The following ESRRG variants were observed in gnomAD, a reference collection of about 807,000 sequenced individuals.
The protein encoded by ESRRG is estrogen-related receptor gamma.
A neutral mutation model predicts 44.0 loss-of-function variants in ESRRG; 13 were observed. That is an observed-to-expected ratio of 0.30 (90% CI 0.19 to 0.47). ESRRG has a LOEUF of 0.47. Ranked by LOEUF, ESRRG falls within the 20% of genes least tolerant of loss-of-function variation. ESRRG has a pLI of 1.00. For missense variants in ESRRG, 395 were observed against 580.6 expected (o/e 0.68, Z 3.29); for synonymous variants, 215 against 214.6 (o/e 1.00, Z -0.02).
At chr1:217,124,674 C>T (rs1327839314) in intron 1 of ESRRG, among the ~76,000 whole-genome samples, 3 of 152,078 alleles carry the variant, frequency 2.0e-5, no homozygotes, top group African/African-American at 4.8e-5. Context: ...TAGATATAGC[C>T]ACTGCCTGAG....
chr1:216,523,867 T>A (rs2148993221), intron 5 of ESRRG, among the ~76,000 whole-genome samples: 1 of 151,610 alleles, frequency 6.6e-6, no homozygotes, highest in African/African-American at 2.4e-5. Context: ...AAAATCAACA[T>A]TTTTCAACAA....
At chr1:216,847,753 A>G (rs923528648) in intron 2 of ESRRG, among the ~76,000 whole-genome samples, 2 of 152,120 alleles carry the variant, frequency 1.3e-5, no homozygotes, top group African/African-American at 4.8e-5. Context: ...CCTATTATCA[A>G]AGCATCATGA....
At chr1:216,985,613 G>A (rs146869754) in intron 1 of ESRRG, 2 of 152,264 alleles carry the variant, frequency 1.3e-5, no homozygotes, top group East Asian at 3.9e-4. Flanking sequence ...TCTATATTGT[G>A]TAAGACAATG....
In ESRRG at chr1:216,564,479, C is replaced by T. The variant is rs2059330977; in HGVS notation, c.701-99G>A. ...GTGTTTTGAAAAACAATCCAAATAT[C>T]CTACAATAAACGCTAAATATTCCAA... is the stretch of plus-strand genomic sequence containing the variant. On this transcript the variant is annotated intron_variant, in intron 4 of 6. Coordinates refer to ENST00000408911, the MANE Select transcript of ESRRG (RefSeq NM_001438.4). 5.5e-6 allele frequency: 5 copies of T among 913,756 alleles called. No individual in the cohort carries two copies. In the East Asian group the frequency reaches 1.4e-4, roughly 25 times the overall value. 56.6% of individuals were successfully genotyped at this position (913,756 alleles called of 1,614,324 possible).
intron 5 of ESRRG, among the ~76,000 whole-genome samples, chr1:216,542,118 G>T (rs1572626430): frequency 6.7e-6 from 1 of 149,568 alleles, no homozygotes; most frequent in African/African-American, 2.5e-5. Context: ...GAGATAGAAT[G>T]TTTTCTGATT....
intron 1 of ESRRG, among the ~76,000 whole-genome samples, chr1:216,989,696 TC>T (rs1472280652): frequency 6.6e-6 from 1 of 152,146 alleles, no homozygotes; most frequent in Non-Finnish European, 1.5e-5. Flanking sequence ...GCTTACACTT[TC>T]CTTCATATTC....
chr1:216,975,670 AGTCTTGAGGAGAGGTACT>A (rs2072728002), intron 1 of ESRRG, among the ~76,000 whole-genome samples: 1 of 152,204 alleles, frequency 6.6e-6, no homozygotes, highest in African/African-American at 2.4e-5. Flanking sequence ...TCTACTTTTA[AGTCTTGAGGAGAGGTACT>A]AGAGAAAAAT....
At chr1:217,101,641 C>T (rs1469985191) in intron 1 of ESRRG, among the ~76,000 whole-genome samples, 2 of 152,146 alleles carry the variant, frequency 1.3e-5, no homozygotes, top group African/African-American at 2.4e-5. Flanking sequence ...ATCTCAAATG[C>T]TTTCTCCTAC....
At chr1:217,071,767 T>C (rs1419397230) in intron 1 of ESRRG, among the ~76,000 whole-genome samples, 1 of 152,164 alleles carries the variant, frequency 6.6e-6, no homozygotes, top group Non-Finnish European at 1.5e-5. Flanking sequence ...ATTCATTTCA[T>C]CCTCAAAACA....
At chr1:216,894,977 A>G (rs1257455484) in intron 2 of ESRRG, among the ~76,000 whole-genome samples, 5 of 152,146 alleles carry the variant, frequency 3.3e-5, no homozygotes, top group South Asian at 2.1e-4. Flanking sequence ...TGATTTATGT[A>G]TCTCCATTAT....
At chr1:217,098,484 T>C (rs577851080) in intron 1 of ESRRG, among the ~76,000 whole-genome samples, 15 of 152,298 alleles carry the variant, frequency 9.8e-5, no homozygotes, top group Non-Finnish European at 2.1e-4. Context: ...AGTCTCATAC[T>C]GAGATCCGGG....
intron 2 of ESRRG, among the ~76,000 whole-genome samples, chr1:216,755,177 T>A (rs12126082): frequency 0.2 from 30,134 of 152,024 alleles, 4,169 homozygotes; most frequent in African/African-American, 0.39. Flanking sequence ...AAAACTGACT[T>A]TACTTTTTTT....
intron 1 of ESRRG, among the ~76,000 whole-genome samples, chr1:216,684,262 G>A (rs1307131891): frequency 6.6e-6 from 1 of 152,174 alleles, no homozygotes; most frequent in African/African-American, 2.4e-5. Context: ...TATGCTTCCT[G>A]GTTGATAAAC....
intron 2 of ESRRG, among the ~76,000 whole-genome samples, chr1:216,934,365 C>T (rs1403896149): frequency 5.9e-5 from 9 of 152,032 alleles, no homozygotes; most frequent in Non-Finnish European, 1.0e-4. Flanking sequence ...ACTTGGGAGG[C>T]GGAAGTTTCA....
chr1:216,764,416 A>G (rs1040575795), intron 2 of ESRRG, among the ~76,000 whole-genome samples: 2 of 151,906 alleles, frequency 1.3e-5, no homozygotes, highest in Admixed American at 6.6e-5. Context: ...TTATAGGTGC[A>G]CACCACCATG....
chr1:216,832,276 A>C (rs1158252414), intron 2 of ESRRG, among the ~76,000 whole-genome samples: 4 of 152,240 alleles, frequency 2.6e-5, no homozygotes, highest in Non-Finnish European at 5.9e-5. Flanking sequence ...GATGGACAAA[A>C]GGACAATTAT....
At chr1:216,665,454 A>T (rs1192909419) in intron 2 of ESRRG, among the ~76,000 whole-genome samples, 1 of 152,132 alleles carries the variant, frequency 6.6e-6, no homozygotes, top group Non-Finnish European at 1.5e-5. Context: ...AAAGACAAAG[A>T]CTGCATGATT....
At chr1:216,739,191 T>G (rs1309970558) in intron 2 of ESRRG, among the ~76,000 whole-genome samples, 1 of 151,968 alleles carries the variant, frequency 6.6e-6, no homozygotes, top group Non-Finnish European at 1.5e-5. Context: ...AACTGCATCC[T>G]GTTTATCTTT....
At chr1:216,766,844 A>G (rs528990530) in intron 2 of ESRRG, among the ~76,000 whole-genome samples, 1 of 152,242 alleles carries the variant, frequency 6.6e-6, no homozygotes, top group East Asian at 1.9e-4. Context: ...ACTCAGACCA[A>G]ATGCCTCTGG....
Sources: gnomAD v4.1 joint callset for allele counts (sites outside exome capture counted in the v4.1 genomes callset) on GRCh38, gnomAD v4.1.1 for gene constraint, MANE v1.5 for transcripts, NCBI Gene and HGNC (gene_info 2026-07-23, HGNC 2026-07-21) for gene names.